The following LTV1 variants were observed in gnomAD, a reference collection of about 807,000 sequenced individuals.
The protein encoded by LTV1 is protein LTV1 homolog.
In LTV1, 39 loss-of-function variants were observed where a neutral mutation model predicts 59.9. The observed-to-expected ratio is 0.65, with a 90% CI of 0.50 to 0.85. LTV1 has a LOEUF of 0.85. Among genes scored for constraint, LTV1 ranks in the 40% least tolerant of loss-of-function variants. The pLI is 0.00. For missense variants in LTV1, 493 were observed against 549.1 expected (o/e 0.90, Z 1.02); for synonymous variants, 171 against 189.5 (o/e 0.90, Z 0.80).
At chr6:143,851,007 T>G (rs1001357334) in intron 4 of LTV1, among the ~76,000 whole-genome samples, 5 of 151,580 alleles carry the variant, frequency 3.3e-5, no homozygotes, top group East Asian at 1.9e-4. Context: ...TAAGTAAAAG[T>G]TAGGTAGGTG....
In LTV1 at chr6:143,862,960, C is replaced by G. The variant is rs902183120; in HGVS notation, c.1116+64C>G. ...GCATAAAAAATAGAGTGCACATTTT[C>G]GCACAATAACTTTTTATCTTTATGG... On this transcript the variant is annotated intron_variant, in intron 9 of 10. Coordinates refer to ENST00000367576, the MANE Select transcript of LTV1 (RefSeq NM_032860.5). The surrounding 1 kb of genome is among the most constrained non-coding windows in gnomAD (Gnocchi z 4.2). The G allele has an allele frequency of 2.1e-6, 3 of 1,458,326 alleles. No individual in the cohort carries two copies. The South Asian group carries it at 3.4e-5, about 17-fold the overall frequency. The allele number at this position is 1,458,326 out of a possible 1,614,324, so 90.3% of individuals were successfully genotyped here.
chr6:143,859,411 G>A (rs965408668), intron 6 of LTV1, among the ~76,000 whole-genome samples: 1 of 152,188 alleles, frequency 6.6e-6, no homozygotes, highest in African/African-American at 2.4e-5. Flanking sequence ...ATTAGAATGT[G>A]AATTCCCCAA....
intron 6 of LTV1, 188 bp downstream of exon 6, chr6:143,858,195 G>A (rs1777110768): frequency 3.2e-6 from 2 of 622,498 alleles, no homozygotes; most frequent in Non-Finnish European, 5.8e-6. Flanking sequence ...CAGTACAGGA[G>A]CACAAAGACT....
At chr6:143,844,700 T>A (rs1202807226) in intron 2 of LTV1, 83 bp downstream of exon 2, 1 of 1,409,928 alleles carries the variant, frequency 7.1e-7, no homozygotes, top group African/African-American at 1.5e-5. Flanking sequence ...AAATAGAGTC[T>A]TAGCACGTTG....
rs139475299 is a variant in LTV1, at chr6:143,862,248, G to A, written c.1063+5G>A. 111 of 1,610,344 alleles carry A rather than the reference G, an allele frequency of 6.9e-5. No individual in the cohort carries two copies. In the East Asian group the frequency reaches 2.4e-3, roughly 35 times the overall value. On this transcript the variant is annotated splice_donor_5th_base_variant and intron_variant, in intron 8 of 10. Transcript: ENST00000367576. The surrounding 1 kb of genome is among the most constrained non-coding windows in gnomAD (Gnocchi z 4.2). Reference sequence around the variant, plus strand: ...GGGATTGTGAATCTATTTGTAGTAAGTATATTCACTTTATGATAGTAATTT... The same window carrying A: ...GGGATTGTGAATCTATTTGTAGTAAATATATTCACTTTATGATAGTAATTT...
chr6:143,860,501 A>G lies in LTV1; in HGVS notation c.871A>G (p.Ser291Gly), dbSNP rs1330009448. ...ATTGGAAGGTTCTATTCAAGTGGAC[A>G]GCAATCGCTTACAGGAAGTTTTGAA... ...AELEGSIQVD[S>G]NRLQEVLNDY... The change falls in exon 7 of 11, where the codon AGC becomes GGC. Residue 291 changes from serine (S) to glycine (G), a missense_variant. Coordinates refer to ENST00000367576, the MANE Select transcript of LTV1 (RefSeq NM_032860.5). 8 of 1,613,662 alleles carry G rather than the reference A, an allele frequency of 5.0e-6. No homozygotes were observed. In the South Asian group the frequency reaches 8.8e-5, roughly 18 times the overall value.
chr6:143,863,245 G>A lies in LTV1; in HGVS notation c.1276G>A (p.Asp426Asn). The change falls in exon 10 of 11, where the codon GAT becomes AAT. Residue 426 changes from aspartate (D) to asparagine (N), a missense_variant. Transcript: ENST00000367576. This position sits in a 1 kb window ranked among gnomAD's most constrained non-coding sequence, Gnocchi z 4.5. ...QPRSKNESKE[D>N]KRARKQAIKE... ...ACGTTCTAAAAATGAAAGCAAAGAA[G>A]ATAAAAGAGCAAGAAAGCAAGCTAT... 4 of 1,613,960 alleles carry A rather than the reference G, an allele frequency of 2.5e-6. 1 individual carries two copies. In the South Asian group the frequency reaches 3.3e-5, roughly 13 times the overall value.
At chr6:143,848,245 C>T (rs1776926238) in intron 3 of LTV1, among the ~76,000 whole-genome samples, 1 of 152,028 alleles carries the variant, frequency 6.6e-6, no homozygotes, top group African/African-American at 2.4e-5. Context: ...TTTTTAAAAA[C>T]CTAAAAGACT....
Position 143,862,040 on chromosome 6 carries a change from CATAGT to C in LTV1, c.924-60_924-56del. The C allele has an allele frequency of 6.6e-7, 1 of 1,520,282 alleles. No homozygotes were observed. The highest frequency in any genetic ancestry group is 8.9e-7 in the Non-Finnish European group (1 of 1,122,344). The allele number at this position is 1,520,282 out of a possible 1,614,324, so 94.2% of individuals were successfully genotyped here. Reference sequence around the variant, plus strand: ...CAGCTAAAAATTGCAGTTTTAGTGACATAGTATAATAATAGGTCATTTTTCCCCCT... The same window carrying C: ...CAGCTAAAAATTGCAGTTTTAGTGACATAATAATAGGTCATTTTTCCCCCT... On this transcript the variant is annotated intron_variant, in intron 7 of 10. Coordinates refer to ENST00000367576, the MANE Select transcript of LTV1 (RefSeq NM_032860.5). This position sits in a 1 kb window ranked among gnomAD's most constrained non-coding sequence, Gnocchi z 4.2.
chr6:143,849,742 C>CT lies in LTV1; in HGVS notation c.310-388dup, dbSNP rs1434420944. ...AACAGAAATTTCTTCCTTCATGGTT[C>CT]TGGAGGTCAGAAGTTTGAGATGAAG... On this transcript the variant is annotated intron_variant, in intron 3 of 10. Coordinates refer to ENST00000367576, the MANE Select transcript of LTV1 (RefSeq NM_032860.5). Among the ~76,000 whole-genome samples the CT allele has an allele frequency of 3.3e-5, 5 of 152,124 alleles. No homozygotes were observed. The East Asian group carries it at 9.6e-4, about 29-fold the overall frequency.
In LTV1 at chr6:143,857,896, T is replaced by C. The variant is rs1295100202; in HGVS notation, c.684T>C (p.Asp228=). The change falls in exon 6 of 11, where the codon GAT becomes GAC. Residue 228 remains aspartate, a synonymous_variant. Coordinates refer to ENST00000367576, the MANE Select transcript of LTV1 (RefSeq NM_032860.5). This position sits in a 1 kb window ranked among gnomAD's most constrained non-coding sequence, Gnocchi z 5.2. ...VPGKTHRAIA[D]HLFWSEETKS... ...GAAAAACTCACAGAGCTATAGCAGA[T>C]CACTTGTTCTGGAGTGAGGAAACAA... 1 of 1,613,976 alleles carries C rather than the reference T, an allele frequency of 6.2e-7. No homozygotes were observed. The highest frequency in any genetic ancestry group is 1.3e-5 in the African/African-American group (1 of 74,886).
At position 143,862,369 on chromosome 6, in the gene LTV1, G is replaced by C; in HGVS notation, c.1063+126G>C. 1.4e-6 allele frequency: 1 copy of C among 718,552 alleles called. No individual in the cohort carries two copies. The allele number at this position is 718,552 out of a possible 1,614,324, so 44.5% of individuals were successfully genotyped here. ...GGAGGCCGAGGCGGGTGGGTCACCT[G>C]ATGTCAGGAGTTCAAGACCAGCCTG... On this transcript the variant is annotated intron_variant, in intron 8 of 10. Coordinates refer to ENST00000367576, the MANE Select transcript of LTV1 (RefSeq NM_032860.5). The surrounding 1 kb of genome is among the most constrained non-coding windows in gnomAD (Gnocchi z 4.2).
rs538452275 is a variant in LTV1 at position 143,844,755 on chromosome 6, T to G, written c.135+138T>G. Reference sequence around the variant, plus strand: ...CCTGGACTTAAGCAGTCCTCCCAGCTTGGCCTCCAAAAGTGCTGGGATTAC... The same window carrying G: ...CCTGGACTTAAGCAGTCCTCCCAGCGTGGCCTCCAAAAGTGCTGGGATTAC... On this transcript the variant is annotated intron_variant, in intron 2 of 10. Transcript: ENST00000367576. The G allele has an allele frequency of 1.4e-5, 12 of 836,758 alleles. No homozygotes were observed. In the South Asian group the frequency reaches 2.7e-4, roughly 19 times the overall value. The allele number at this position is 836,758 out of a possible 1,614,324, so 51.8% of individuals were successfully genotyped here.
chr6:143,858,420 G>T, intron 6 of LTV1: 1 of 180,630 alleles, frequency 5.5e-6, no homozygotes, highest in East Asian at 1.3e-4. Flanking sequence ...ACCCCCAGAA[G>T]TGGCCCTTAA....
At chr6:143,858,113 T>G (rs1220076932) in intron 6 of LTV1, 106 bp downstream of exon 6, 1 of 1,027,778 alleles carries the variant, frequency 9.7e-7, no homozygotes, top group Non-Finnish European at 1.4e-6. Context: ...AACCACAAAG[T>G]CAATCATAGG....
intron 3 of LTV1, among the ~76,000 whole-genome samples, chr6:143,847,560 C>T (rs369889084): frequency 7.2e-5 from 11 of 152,158 alleles, no homozygotes; most frequent in African/African-American, 1.4e-4. Flanking sequence ...GGGGTTTCTC[C>T]GTGTTGGTCA....
At chr6:143,849,254 A>G (rs1032633445) in intron 3 of LTV1, among the ~76,000 whole-genome samples, 3 of 152,216 alleles carry the variant, frequency 2.0e-5, no homozygotes, top group African/African-American at 7.2e-5. Context: ...TCAAGGGGAC[A>G]TAGGACAGAG....
chr6:143,862,006 G>T lies in LTV1; in HGVS notation c.924-98G>T, dbSNP rs1777172130. 1.6e-6 allele frequency: 2 copies of T among 1,217,050 alleles called. No individual in the cohort carries two copies. The highest frequency in any genetic ancestry group is 2.4e-5 in the East Asian group (1 of 41,772). 75.4% of individuals were successfully genotyped at this position (1,217,050 alleles called of 1,614,324 possible). Reference sequence around the variant, plus strand: ...TGGAATATGTGCATTTAAAACATTGGTTTTTCCACAGCTAAAAATTGCAGT... The same window carrying T: ...TGGAATATGTGCATTTAAAACATTGTTTTTTCCACAGCTAAAAATTGCAGT... On this transcript the variant is annotated intron_variant, in intron 7 of 10. Transcript: ENST00000367576. This position sits in a 1 kb window ranked among gnomAD's most constrained non-coding sequence, Gnocchi z 4.2.
In LTV1 at chr6:143,860,664, A is replaced by G. The variant is rs1582942969; in HGVS notation, c.923+111A>G. The G allele has an allele frequency of 1.6e-5, 14 of 877,510 alleles. No homozygotes were observed. The East Asian group carries it at 3.5e-4, about 22-fold the overall frequency. 54.4% of individuals were successfully genotyped at this position (877,510 alleles called of 1,614,324 possible). A position where few individuals can be genotyped will look rare whatever the true frequency, so the allele number is the denominator to read the frequency against. ...TTGAGGAAAAAATTAACCTAGTCAA[A>G]ATACATATTGAGAAAATGAAAAAGG... On this transcript the variant is annotated intron_variant, in intron 7 of 10. Coordinates refer to ENST00000367576, the MANE Select transcript of LTV1 (RefSeq NM_032860.5).
Sources: gnomAD v4.1 joint callset for allele counts (sites outside exome capture counted in the v4.1 genomes callset) on GRCh38, gnomAD v4.1.1 for gene constraint, Gnocchi (gnomAD v3.1) non-coding constraint, MANE v1.5 for transcripts, NCBI Gene and HGNC (gene_info 2026-07-23, HGNC 2026-07-21) for gene names.